The following HIVEP1 variants were observed in gnomAD, a reference collection of about 807,000 sequenced individuals.
HIVEP1 encodes zinc finger protein 40.
HIVEP1 carries 36 observed loss-of-function variants against 180.0 expected under a neutral mutation model. The ratio of observed to expected loss-of-function variants is 0.20; its 90% CI spans 0.15 to 0.26. The LOEUF (loss-of-function observed/expected upper bound fraction) is 0.26. Ranked by LOEUF, HIVEP1 falls within the 10% of genes least tolerant of loss-of-function variation. The pLI, the probability that HIVEP1 is intolerant of heterozygous loss-of-function variation, is 1.00. For synonymous variants in HIVEP1, 1,239 were observed against 1,239.0 expected (o/e 1.00, Z 0.00); for missense variants, 3,143 against 3,268.7 (o/e 0.96, Z 0.94).
intron 2 of HIVEP1, among the ~76,000 whole-genome samples, chr6:12,022,346 A>T (rs993582192): frequency 3.3e-5 from 5 of 151,636 alleles, no homozygotes; most frequent in Non-Finnish European, 7.4e-5. Flanking sequence ...AATTTTTTGT[A>T]TTTTTAGTAG....
At chr6:12,179,560 G>A in the HIVEP1 span, among the ~76,000 whole-genome samples, 1 of 152,302 alleles carries the variant, frequency 6.6e-6, no homozygotes, top group African/African-American at 2.4e-5. Flanking sequence ...TAGTTAATGA[G>A]TTGCTCCTTC....
chr6:12,043,317 G>A (rs1232318491), intron 2 of HIVEP1, among the ~76,000 whole-genome samples: 1 of 148,836 alleles, frequency 6.7e-6, no homozygotes, highest in Non-Finnish European at 1.5e-5. Context: ...GAGTGCTCAT[G>A]TAATGGCATT....
rs1760532652 is a variant in HIVEP1, at chr6:12,163,434, A to T, written c.7130A>T (p.His2377Leu). ...LQPTPGLPSP[H>L]THLFSHLPLH... ...CCGACTCCAGGCTTGCCTTCTCCCC[A>T]CACTCATTTGTTTAGCCACCTTCCT... is the stretch of plus-strand genomic sequence containing the variant. The change falls in exon 9 of 9, where the codon CAC becomes CTC. Residue 2377 changes from histidine (H) to leucine (L), a missense_variant. Physicochemically the swap from His to Leu is moderately conservative, Grantham distance 99. This residue lies in a region of HIVEP1 where 595 missense variants were observed against 602.2 expected (regional missense o/e 0.99). Coordinates refer to ENST00000379388, the MANE Select transcript of HIVEP1 (RefSeq NM_002114.4). 1.2e-6 allele frequency: 2 copies of T among 1,613,872 alleles called. No homozygotes were observed. Among genetic ancestry groups the T allele is most frequent in the Non-Finnish European group, 8.5e-7 (1 of 1,179,996 alleles).
intron 2 of HIVEP1, among the ~76,000 whole-genome samples, chr6:12,042,984 C>T (rs1581562561): frequency 6.6e-6 from 1 of 152,056 alleles, no homozygotes; most frequent in Non-Finnish European, 1.5e-5. Context: ...CAAATAAAGC[C>T]GATTTCTCAG....
At chr6:12,069,931 T>A (rs918231096) in intron 2 of HIVEP1, among the ~76,000 whole-genome samples, 1 of 152,016 alleles carries the variant, frequency 6.6e-6, no homozygotes, top group Non-Finnish European at 1.5e-5. Context: ...TTATTATTTT[T>A]TACTTTTTTA....
At chr6:12,137,407 C>T (rs62386764) in intron 7 of HIVEP1, among the ~76,000 whole-genome samples, 81 of 152,300 alleles carry the variant, frequency 5.3e-4, no homozygotes, top group Admixed American at 9.8e-4. Context: ...CATTTGCTGA[C>T]TGATTGACCT....
chr6:12,060,727 G>A (rs1052590094), intron 2 of HIVEP1, among the ~76,000 whole-genome samples: 2 of 152,172 alleles, frequency 1.3e-5, no homozygotes, highest in African/African-American at 2.4e-5. Flanking sequence ...TCTCAGTCAT[G>A]TTATGTAAGT....
At chr6:12,135,952 C>T in intron 7 of HIVEP1, 60 bp downstream of exon 7, 1 of 1,072,976 alleles carries the variant, frequency 9.3e-7, no homozygotes, top group South Asian at 1.3e-5. Flanking sequence ...TTTTTTGCTT[C>T]CATACCCTTT....
the HIVEP1 span, among the ~76,000 whole-genome samples, chr6:12,172,420 C>A: frequency 6.6e-6 from 1 of 151,892 alleles, no homozygotes; most frequent in Non-Finnish European, 1.5e-5. Context: ...TATTTCCCCA[C>A]CACCTAGACC....
At chr6:12,150,025 T>C (rs1299056067) in intron 7 of HIVEP1, among the ~76,000 whole-genome samples, 1 of 152,236 alleles carries the variant, frequency 6.6e-6, no homozygotes, top group Non-Finnish European at 1.5e-5. Flanking sequence ...GGAGGAATTA[T>C]ACATTTTTAT....
chr6:12,010,503 C>A (rs80260788), upstream of HIVEP1, among the ~76,000 whole-genome samples: 1,607 of 152,162 alleles, frequency 0.011, 18 homozygotes, highest in African/African-American at 0.037. Context: ...CCCAAGGGAA[C>A]AAAACAATTC....
intron 2 of HIVEP1, among the ~76,000 whole-genome samples, chr6:12,056,143 C>T (rs967000925): frequency 6.6e-5 from 10 of 151,788 alleles, no homozygotes; most frequent in South Asian, 2.1e-4. Context: ...AATGAAGAAG[C>T]GGAAGTGAAG....
chr6:12,144,362 C>G lies in HIVEP1; in HGVS notation c.6487+8470C>G, dbSNP rs140987646. The stretch of plus-strand genomic sequence containing the variant: ...CTGAAACTGGATCCCTTCCTTACAC[C>G]TTATACAAAAATTGATTCAAGATGG... On this transcript the variant is annotated intron_variant, in intron 7 of 8. Coordinates refer to ENST00000379388, the MANE Select transcript of HIVEP1 (RefSeq NM_002114.4). 3.7e-3 allele frequency among the ~76,000 whole-genome samples: 567 copies of G among 152,250 alleles called. 4 individuals carry two copies. Among genetic ancestry groups the G allele is most frequent in the African/African-American group, 0.013 (536 of 41,556 alleles).
At chr6:12,148,910 A>G (rs938358734) in intron 7 of HIVEP1, among the ~76,000 whole-genome samples, 21 of 152,234 alleles carry the variant, frequency 1.4e-4, no homozygotes, top group African/African-American at 4.8e-4. Context: ...CAGTCGAAGT[A>G]TGTCGTTTCA....
chr6:12,040,006 G>T (rs1466682934), intron 2 of HIVEP1, among the ~76,000 whole-genome samples: 4 of 152,220 alleles, frequency 2.6e-5, no homozygotes, highest in Non-Finnish European at 4.4e-5. Context: ...CGAGGATTCT[G>T]ATGCTGGGCG....
At chr6:12,174,633 C>CA in the HIVEP1 span, among the ~76,000 whole-genome samples, 1 of 151,912 alleles carries the variant, frequency 6.6e-6, no homozygotes, top group South Asian at 2.1e-4. Flanking sequence ...CTAAATCCTT[C>CA]AAAAAAAGAA....
chr6:12,072,368 G>A (rs867515261), intron 2 of HIVEP1, among the ~76,000 whole-genome samples: 3 of 152,012 alleles, frequency 2.0e-5, no homozygotes, highest in East Asian at 3.8e-4. Flanking sequence ...CTGTTGCCTC[G>A]CTGCTTCTCC....
the HIVEP1 span, among the ~76,000 whole-genome samples, chr6:12,208,799 A>G: frequency 6.6e-6 from 1 of 152,148 alleles, no homozygotes; most frequent in Non-Finnish European, 1.5e-5. Flanking sequence ...CTCTGCTGAC[A>G]CCTGATCTCA....
At position 12,125,321 on chromosome 6, in the gene HIVEP1, A is replaced by G. The variant is rs752498184; in HGVS notation, c.5526A>G (p.Gly1842=). ...TACCAGCTGATAATTCATCAACAGG[A>G]TGCTCTAAATTTGTCGTTATAGAAC... The part of the protein sequence containing the change: ...NVLPADNSST[G]CSKFVVIEPI... The change falls in exon 4 of 9, where the codon GGA becomes GGG. Residue 1842 remains glycine (G), a synonymous_variant. Transcript: ENST00000379388. 1.2e-6 allele frequency: 2 copies of G among 1,613,972 alleles called. No individual in the cohort carries two copies. Among genetic ancestry groups the G allele is most frequent in the Non-Finnish European group, 1.7e-6 (2 of 1,179,966 alleles).
Sources: allele counts gnomAD v4.1 joint callset (sites outside exome capture counted in the v4.1 genomes callset), GRCh38; gene constraint gnomAD v4.1.1; regional missense constraint gnomAD v4.1.1; transcripts MANE v1.5; gene names NCBI Gene and HGNC (gene_info 2026-07-23, HGNC 2026-07-21).